Variants in TMTC1 observed in about 807,000 individuals in gnomAD.
TMTC1 encodes protein O-mannosyl-transferase TMTC1.
A neutral mutation model predicts 104.8 loss-of-function variants in TMTC1; 73 were observed. The ratio of observed to expected loss-of-function variants is 0.70; its 90% CI spans 0.58 to 0.85. The LOEUF is 0.85. Ranked by LOEUF, TMTC1 falls within the 40% of genes least tolerant of loss-of-function variation. TMTC1 has a pLI of 0.00. For synonymous variants in TMTC1, 434 were observed against 428.7 expected (o/e 1.01, Z -0.15); for missense variants, 1,035 against 1,096.1 (o/e 0.94, Z 0.79).
chr12:29,751,528 G>A, intron 5 of TMTC1, 138 bp downstream of exon 5: 1 of 841,592 alleles, frequency 1.2e-6, no homozygotes, highest in Non-Finnish European at 2.0e-6. Context: ...ACAGGAAGAA[G>A]GGGGTAAGGA....
chr12:29,583,396 T>C lies in TMTC1; in HGVS notation c.1418+11A>G, dbSNP rs1351538410. 5.6e-6 allele frequency: 9 copies of C among 1,612,692 alleles called. No individual in the cohort carries two copies. Among genetic ancestry groups the C allele is most frequent in the Non-Finnish European group, 6.8e-6 (8 of 1,179,284 alleles). ...ACAGGAAGATATTTATTTTTATCTG[T>C]CTAGTCATACCTGAATAGGGACTCT... On this transcript the variant is annotated intron_variant, in intron 8 of 17. Transcript: ENST00000539277.
At chr12:29,508,739 C>A (rs1324016151) in intron 17 of TMTC1, among the ~76,000 whole-genome samples, 1 of 152,008 alleles carries the variant, frequency 6.6e-6, no homozygotes, top group Non-Finnish European at 1.5e-5. Context: ...ACATGCCCGG[C>A]TAATTTTTGT....
chr12:29,525,144 G>T (rs144344444), intron 11 of TMTC1, among the ~76,000 whole-genome samples: 1 of 138,680 alleles, frequency 7.2e-6, no homozygotes, highest in Non-Finnish European at 1.5e-5. Flanking sequence ...TGTAGTGTGG[G>T]TGGCAAGGGC....
At chr12:29,548,244 A>G (rs1032906756) in intron 10 of TMTC1, among the ~76,000 whole-genome samples, 3 of 152,218 alleles carry the variant, frequency 2.0e-5, no homozygotes, top group African/African-American at 7.2e-5. Context: ...ATTAATGACC[A>G]CTAATGGCTA....
intron 7 of TMTC1, among the ~76,000 whole-genome samples, chr12:29,595,582 C>T (rs919146904): frequency 3.9e-5 from 6 of 152,212 alleles, no homozygotes; most frequent in African/African-American, 1.4e-4. Flanking sequence ...TCAAGAGCAG[C>T]TCTCTCTGGA....
At chr12:29,715,132 C>A (rs553697174) in intron 5 of TMTC1, among the ~76,000 whole-genome samples, 2 of 152,282 alleles carry the variant, frequency 1.3e-5, no homozygotes, top group African/African-American at 4.8e-5. Context: ...GGAGAAAAAT[C>A]ATTTTGCAAG....
chr12:29,649,809 A>ATCAG (rs1304569754), intron 5 of TMTC1, among the ~76,000 whole-genome samples: 1 of 152,230 alleles, frequency 6.6e-6, no homozygotes, highest in African/African-American at 2.4e-5. Context: ...AGAGTGGAAT[A>ATCAG]TCAGGTGTGT....
Position 29,518,610 on chromosome 12 carries a change from G to A in TMTC1, c.1889-3C>T. On this transcript the variant is annotated splice_polypyrimidine_tract_variant and splice_region_variant and intron_variant, in intron 12 of 17. Coordinates refer to ENST00000539277, the MANE Select transcript of TMTC1 (RefSeq NM_001193451.2). ...GGCCACTGCCTTTTCTGGTAAGCCT[G>A]TAACCAGTGACAGGTTGGTAAGAGC... The A allele has an allele frequency of 6.2e-7, 1 of 1,613,914 alleles. No homozygotes were observed. Among genetic ancestry groups the A allele is most frequent in the African/African-American group, 1.3e-5 (1 of 75,028 alleles).
chr12:29,695,793 TTATATATATATATATATA>T (rs113135039), intron 5 of TMTC1, among the ~76,000 whole-genome samples: 1,200 of 83,812 alleles, frequency 0.014, 54 homozygotes, highest in Non-Finnish European at 0.026. Flanking sequence ...TACTTCCTTT[TTATATATATATATATATA>T]TATATATATA....
chr12:29,686,682 T>C (rs1039927688), intron 5 of TMTC1, among the ~76,000 whole-genome samples: 2 of 150,106 alleles, frequency 1.3e-5, no homozygotes, highest in African/African-American at 5.1e-5. Flanking sequence ...TATCTCACCC[T>C]GGACTGGGCT....
At chr12:29,558,693 A>G (rs546707455) in intron 9 of TMTC1, among the ~76,000 whole-genome samples, 1 of 152,312 alleles carries the variant, frequency 6.6e-6, no homozygotes, top group Non-Finnish European at 1.5e-5. Flanking sequence ...CTGAGCCAGC[A>G]CACGCGCTGT....
intron 11 of TMTC1, chr12:29,533,809 A>C (rs564602637): frequency 1.6e-4 from 25 of 152,352 alleles, no homozygotes; most frequent in African/African-American, 6.0e-4. Context: ...AAAATCAGAA[A>C]TGTCAGGCTG....
chr12:29,629,737 C>T (rs551126653), intron 6 of TMTC1, among the ~76,000 whole-genome samples: 1 of 152,262 alleles, frequency 6.6e-6, no homozygotes, highest in Admixed American at 6.5e-5. Context: ...AGCTTTGAAA[C>T]TAGAAAGTGC....
chr12:29,555,073 A>G (rs987383878), intron 10 of TMTC1, among the ~76,000 whole-genome samples: 12 of 149,798 alleles, frequency 8.0e-5, no homozygotes, highest in African/African-American at 2.5e-4. Flanking sequence ...TTTTACATCA[A>G]TTGATTTTAT....
chr12:29,646,025 G>A (rs570482973), intron 5 of TMTC1, among the ~76,000 whole-genome samples: 1 of 152,154 alleles, frequency 6.6e-6, no homozygotes. Flanking sequence ...ATATGACAGA[G>A]TTTTCTGGCT....
chr12:29,676,612 C>A (rs568105395), intron 5 of TMTC1, among the ~76,000 whole-genome samples: 1 of 152,328 alleles, frequency 6.6e-6, no homozygotes, highest in South Asian at 2.1e-4. Flanking sequence ...CCCATCTACA[C>A]TCTGCCTTCA....
At chr12:29,732,352 AT>A (rs1942566081) in intron 5 of TMTC1, among the ~76,000 whole-genome samples, 1 of 152,180 alleles carries the variant, frequency 6.6e-6, no homozygotes, top group Non-Finnish European at 1.5e-5. Context: ...CAGAAACACA[AT>A]GTATATTTCA....
intron 5 of TMTC1, among the ~76,000 whole-genome samples, chr12:29,660,204 C>A (rs1291568675): frequency 1.3e-5 from 2 of 152,196 alleles, no homozygotes; most frequent in African/African-American, 4.8e-5. Flanking sequence ...TTAGTTCATT[C>A]TTTTAGAAAC....
chr12:29,663,156 C>T (rs770559537), intron 5 of TMTC1, among the ~76,000 whole-genome samples: 179 of 152,270 alleles, frequency 1.2e-3, no homozygotes, highest in Non-Finnish European at 1.1e-3. Context: ...TTCTTCGTTG[C>T]CTAAAAGGTA....
Sources: allele counts gnomAD v4.1 joint callset (sites outside exome capture counted in the v4.1 genomes callset), GRCh38; gene constraint gnomAD v4.1.1; transcripts MANE v1.5; gene names NCBI Gene and HGNC (gene_info 2026-07-23, HGNC 2026-07-21).